SMYD3: variants seen among roughly 807,000 people sequenced by gnomAD.
SMYD3 encodes SET and MYND domain containing 3.
SMYD3 carries 36 observed loss-of-function variants against 57.7 expected under a neutral mutation model. That is an observed-to-expected ratio of 0.62 (90% confidence interval 0.48 to 0.82). The LOEUF is 0.82. SMYD3 is among the 40% of genes least tolerant of loss of function. SMYD3 has a pLI of 0.00. For synonymous variants in SMYD3, 211 were observed against 195.0 expected, an observed-to-expected ratio of 1.08 and a Z score of -0.68; for missense variants, 515 against 538.8, an observed-to-expected ratio of 0.96 and a Z score of 0.44.
intron 5 of SMYD3, among the ~76,000 whole-genome samples, chr1:246,318,074 T>A (rs1211231605): frequency 6.6e-6 from 1 of 152,214 alleles, no homozygotes; most frequent in Admixed American, 6.5e-5. Context: ...TTATATTATG[T>A]ATTAATTTTT....
At chr1:246,261,042 T>TTTGTTGTTG (rs111699160) in intron 5 of SMYD3, among the ~76,000 whole-genome samples, 11 of 107,512 alleles carry the variant, frequency 1.0e-4, no homozygotes, top group African/African-American at 2.3e-4. Context: ...CTTTCTGGGT[T>TTTGTTGTTG]TTGTTGTTGT....
intron 5 of SMYD3, among the ~76,000 whole-genome samples, chr1:246,137,645 C>T (rs955404235): frequency 2.6e-5 from 4 of 152,146 alleles, no homozygotes; most frequent in Non-Finnish European, 4.4e-5. Context: ...GTAGATGGTG[C>T]ACAACTAATA....
intron 5 of SMYD3, among the ~76,000 whole-genome samples, chr1:246,056,306 TAGG>T (rs2060150079): frequency 6.6e-6 from 1 of 152,080 alleles, no homozygotes; most frequent in Non-Finnish European, 1.5e-5. Flanking sequence ...TTCTATTTCA[TAGG>T]AAGCAGGAGA....
intron 5 of SMYD3, among the ~76,000 whole-genome samples, chr1:246,069,376 T>A (rs1304675485): frequency 6.6e-6 from 1 of 152,196 alleles, no homozygotes; most frequent in African/African-American, 2.4e-5. Context: ...ACATTTCACA[T>A]AAAACAGAAC....
intron 1 of SMYD3, among the ~76,000 whole-genome samples, chr1:246,469,187 C>T (rs1157895554): frequency 6.6e-6 from 1 of 152,192 alleles, no homozygotes; most frequent in Non-Finnish European, 1.5e-5. Context: ...CTGTTAGCCA[C>T]CTGCTTTCCA....
intron 2 of SMYD3, among the ~76,000 whole-genome samples, chr1:246,338,305 C>T (rs553057669): frequency 3.9e-5 from 6 of 152,284 alleles, no homozygotes; most frequent in South Asian, 2.1e-4. Flanking sequence ...AATCTTTTTA[C>T]GCAGCTCCTT....
chr1:246,128,216 T>G (rs2061536724), intron 5 of SMYD3, among the ~76,000 whole-genome samples: 1 of 152,176 alleles, frequency 6.6e-6, no homozygotes, highest in Non-Finnish European at 1.5e-5. Context: ...GTTGCCCCAA[T>G]TCCTGCACTC....
intron 8 of SMYD3, among the ~76,000 whole-genome samples, chr1:245,868,491 A>C (rs1327309626): frequency 6.6e-6 from 1 of 152,172 alleles, no homozygotes; most frequent in Non-Finnish European, 1.5e-5. Flanking sequence ...TCTTCTATCA[A>C]GCAGGGTGAG....
chr1:246,348,985 C>T (rs2065775763), intron 2 of SMYD3, among the ~76,000 whole-genome samples: 1 of 151,950 alleles, frequency 6.6e-6, no homozygotes, highest in South Asian at 2.1e-4. Flanking sequence ...ATTCTGTACC[C>T]TGTGGAATTA....
chr1:246,383,027 A>T (rs2148754602), intron 1 of SMYD3, among the ~76,000 whole-genome samples: 1 of 151,262 alleles, frequency 6.6e-6, no homozygotes, highest in Non-Finnish European at 1.5e-5. Flanking sequence ...AGTCCTTCAA[A>T]CCCAAGATCC....
chr1:246,061,704 G>A (rs775278468), intron 5 of SMYD3, among the ~76,000 whole-genome samples: 2 of 152,202 alleles, frequency 1.3e-5, no homozygotes, highest in East Asian at 1.9e-4. Context: ...CAGCCTGGGC[G>A]ACAGAGTGAG....
chr1:245,939,370 A>G (rs1294771114), intron 5 of SMYD3, among the ~76,000 whole-genome samples: 2 of 152,190 alleles, frequency 1.3e-5, no homozygotes, highest in Non-Finnish European at 2.9e-5. Flanking sequence ...TCACACCTGT[A>G]ATCCCAACAC....
intron 5 of SMYD3, chr1:245,953,250 A>G (rs2057721929): frequency 1.0e-6 from 1 of 1,000,048 alleles, no homozygotes; most frequent in Non-Finnish European, 1.2e-6. Flanking sequence ...TTCTTCTTCC[A>G]TAGTTTAAAT....
chr1:246,417,209 C>T (rs974071995), intron 1 of SMYD3: 1 of 152,178 alleles, frequency 6.6e-6, no homozygotes, highest in Admixed American at 6.6e-5. Context: ...GCCTATATTC[C>T]CCCATCTCCC....
rs2062956318 is a variant in SMYD3, at chr1:246,203,871, CTT to C, written c.531+123328_531+123329del. 6.6e-6 allele frequency among the ~76,000 whole-genome samples: 1 copy of C among 152,208 alleles called. No individual in the cohort carries two copies. The highest frequency in any genetic ancestry group is 1.5e-5 in the Non-Finnish European group (1 of 68,040). ...CCAACAACCCACTCCTAGTCCAGAT[CTT>C]CCCCCTGTCCTATCTAGCTGCTTCC... On this transcript the variant is annotated intron_variant, in intron 5 of 11. Coordinates refer to ENST00000490107, the MANE Select transcript of SMYD3 (RefSeq NM_001167740.2). The surrounding 1 kb of genome is among the most constrained non-coding windows in gnomAD (Gnocchi z 4.6).
At chr1:246,148,262 G>C (rs1462714103) in intron 5 of SMYD3, among the ~76,000 whole-genome samples, 2 of 152,128 alleles carry the variant, frequency 1.3e-5, no homozygotes, top group Non-Finnish European at 2.9e-5. Context: ...GACAATGGGC[G>C]AACCAGCTAC....
At chr1:246,396,773 G>A (rs1380660238) in intron 1 of SMYD3, among the ~76,000 whole-genome samples, 1 of 152,152 alleles carries the variant, frequency 6.6e-6, no homozygotes, top group Non-Finnish European at 1.5e-5. Context: ...GCTTGCTTCC[G>A]CTTTGTCTTT....
chr1:245,903,820 G>A (rs200251877), intron 8 of SMYD3, among the ~76,000 whole-genome samples: 18 of 152,276 alleles, frequency 1.2e-4, no homozygotes, highest in Non-Finnish European at 2.4e-4. Context: ...CCCAAGTCCC[G>A]AGGCTGCACA....
chr1:245,979,453 T>C (rs1490921387), intron 5 of SMYD3, among the ~76,000 whole-genome samples: 1 of 152,166 alleles, frequency 6.6e-6, no homozygotes, highest in Non-Finnish European at 1.5e-5. Flanking sequence ...AAATTCAACA[T>C]GACTGGCATC....
Sources: allele counts gnomAD v4.1 joint callset (sites outside exome capture counted in the v4.1 genomes callset), GRCh38; gene constraint gnomAD v4.1.1; non-coding constraint Gnocchi (gnomAD v3.1); transcripts MANE v1.5; gene names NCBI Gene and HGNC (gene_info 2026-07-23, HGNC 2026-07-21).